Variants in XRCC4 observed in about 807,000 individuals in gnomAD.
The protein encoded by XRCC4 is DNA repair protein XRCC4.
In XRCC4, 28 loss-of-function variants were observed where a neutral mutation model predicts 39.1. That is an observed-to-expected ratio of 0.72 (90% confidence interval 0.53 to 0.98). The LOEUF is 0.98. Ranked by LOEUF, XRCC4 falls within the 50% of genes least tolerant of loss-of-function variation. The probability of loss-of-function intolerance (pLI) is 0.00; values close to 1 mark genes in which losing one functional copy is unlikely to be tolerated. For synonymous variants in XRCC4, 123 were observed against 126.4 expected (o/e 0.97, Z 0.18); for missense variants, 350 against 376.4 (o/e 0.93, Z 0.58).
At chr5:83,206,603 TAAA>T (rs1305793156) in intron 6 of XRCC4, among the ~76,000 whole-genome samples, 1 of 152,004 alleles carries the variant, frequency 6.6e-6, no homozygotes, top group Non-Finnish European at 1.5e-5. Context: ...AATTTCACTG[TAAA>T]AAATGGGAAA....
At chr5:83,191,831 C>CT (rs1226878125) in intron 3 of XRCC4, among the ~76,000 whole-genome samples, 1 of 152,210 alleles carries the variant, frequency 6.6e-6, no homozygotes, top group Non-Finnish European at 1.5e-5. Context: ...ATGTGAAACT[C>CT]TAAGTGCATT....
chr5:83,191,231 G>T (rs1750677429), intron 3 of XRCC4, among the ~76,000 whole-genome samples: 1 of 152,172 alleles, frequency 6.6e-6, no homozygotes, highest in South Asian at 2.1e-4. Context: ...GACTAGAGAG[G>T]CCAATGTAGG....
chr5:83,162,916 C>T (rs527923598), intron 3 of XRCC4, among the ~76,000 whole-genome samples: 206 of 148,136 alleles, frequency 1.4e-3, no homozygotes, highest in African/African-American at 4.9e-3. Flanking sequence ...ATTTTTTTTT[C>T]CTTTTTCTTT....
intron 3 of XRCC4, among the ~76,000 whole-genome samples, chr5:83,177,943 G>A (rs1750033359): frequency 6.6e-6 from 1 of 152,168 alleles, no homozygotes; most frequent in Admixed American, 6.5e-5. Context: ...AGCCTAGTTG[G>A]AAGGCTGTCA....
chr5:83,277,250 G>A (rs926281453), intron 7 of XRCC4, among the ~76,000 whole-genome samples: 14 of 152,184 alleles, frequency 9.2e-5, no homozygotes, highest in Non-Finnish European at 4.4e-5. Flanking sequence ...CTGCCTTCTG[G>A]GCACATGATG....
intron 6 of XRCC4, among the ~76,000 whole-genome samples, chr5:83,211,243 T>C (rs1482079726): frequency 6.6e-6 from 1 of 152,214 alleles, no homozygotes. Context: ...CCCACATTCA[T>C]GAGTTTGGTC....
At chr5:83,357,405 T>A (rs1000776828), downstream of XRCC4, among the ~76,000 whole-genome samples, 2 of 151,964 alleles carry the variant, frequency 1.3e-5, no homozygotes, top group African/African-American at 4.8e-5. Context: ...TTTAAAGGTA[T>A]GGATAAGAAT....
rs1328653113 is a variant in XRCC4, at chr5:83,248,720, T to C, written c.746-9810T>C. Among the ~76,000 whole-genome samples, 6 of 152,204 alleles carry C rather than the reference T, an allele frequency of 3.9e-5. No homozygotes were observed. The South Asian group carries it at 1.0e-3, about 26-fold the overall frequency. On this transcript the variant is annotated intron_variant, in intron 6 of 7. Transcript: ENST00000396027. ...TACATTTATAATAAACCATGATAAATTGACCAGTTACTATTCTTGTCAAAT... is the reference window on the plus strand; with the variant it reads ...TACATTTATAATAAACCATGATAAACTGACCAGTTACTATTCTTGTCAAAT...
chr5:83,268,839 T>A (rs946106679), intron 7 of XRCC4, among the ~76,000 whole-genome samples: 4 of 152,166 alleles, frequency 2.6e-5, no homozygotes, highest in African/African-American at 9.6e-5. Flanking sequence ...GAATAAGATA[T>A]GAATTGAACA....
intron 3 of XRCC4, among the ~76,000 whole-genome samples, chr5:83,176,590 A>C (rs1749967373): frequency 6.6e-6 from 1 of 152,048 alleles, no homozygotes; most frequent in African/African-American, 2.4e-5. Context: ...TGTATTTAGA[A>C]GTAATTTTAA....
chr5:83,109,639 A>C (rs1435439214), intron 2 of XRCC4, among the ~76,000 whole-genome samples: 1 of 151,966 alleles, frequency 6.6e-6, no homozygotes. Context: ...TTTGAGTGTA[A>C]GAAAGGGAAA....
chr5:83,121,823 T>C (rs2112445521), intron 3 of XRCC4, among the ~76,000 whole-genome samples: 1 of 152,300 alleles, frequency 6.6e-6, no homozygotes, highest in East Asian at 1.9e-4. Flanking sequence ...TAGTTTTAGA[T>C]TTTACATTTA....
At chr5:83,322,336 T>C (rs1756103359) in intron 7 of XRCC4, among the ~76,000 whole-genome samples, 1 of 152,102 alleles carries the variant, frequency 6.6e-6, no homozygotes, top group African/African-American at 2.4e-5. Context: ...CATGACTTTA[T>C]ATGCAATTAA....
chr5:83,090,350 G>GA (rs1449822923), intron 1 of XRCC4, among the ~76,000 whole-genome samples: 1 of 151,538 alleles, frequency 6.6e-6, no homozygotes, highest in Non-Finnish European at 1.5e-5. Flanking sequence ...GGGTTGGGGG[G>GA]GGCTCCCTGC....
At chr5:83,168,026 G>A (rs1291110637) in intron 3 of XRCC4, among the ~76,000 whole-genome samples, 2 of 151,930 alleles carry the variant, frequency 1.3e-5, no homozygotes, top group African/African-American at 4.8e-5. Flanking sequence ...GAAAATAAAC[G>A]CAGAAAATAG....
chr5:83,320,282 C>T (rs1293326594), intron 7 of XRCC4, among the ~76,000 whole-genome samples: 1 of 146,540 alleles, frequency 6.8e-6, no homozygotes, highest in Non-Finnish European at 1.5e-5. Flanking sequence ...GGGTGCAGCG[C>T]ACCAGCATGG....
At chr5:83,290,484 C>G (rs1005950655) in intron 7 of XRCC4, among the ~76,000 whole-genome samples, 1 of 151,306 alleles carries the variant, frequency 6.6e-6, no homozygotes, top group Non-Finnish European at 1.5e-5. Flanking sequence ...ATATTCTGCA[C>G]TATGTGATTT....
At chr5:83,238,624 A>G (rs1461884036) in intron 6 of XRCC4, among the ~76,000 whole-genome samples, 1 of 152,162 alleles carries the variant, frequency 6.6e-6, no homozygotes, top group African/African-American at 2.4e-5. Flanking sequence ...AATTACTAAG[A>G]CACACAAAGT....
intron 3 of XRCC4, among the ~76,000 whole-genome samples, chr5:83,184,616 A>G (rs1750354440): frequency 6.6e-6 from 1 of 152,152 alleles, no homozygotes; most frequent in Admixed American, 6.6e-5. Context: ...ACTACGTTCT[A>G]TTAAGTTATA....
Sources: gnomAD v4.1 joint callset for allele counts (sites outside exome capture counted in the v4.1 genomes callset) on GRCh38, gnomAD v4.1.1 for gene constraint, MANE v1.5 for transcripts, NCBI Gene and HGNC (gene_info 2026-07-23, HGNC 2026-07-21) for gene names.